The following COPE variants were observed in gnomAD, a reference collection of about 807,000 sequenced individuals.
COPE encodes coatomer subunit epsilon.
A neutral mutation model predicts 42.1 loss-of-function variants in COPE; 19 were observed. That is an observed-to-expected ratio of 0.45 (90% CI 0.31 to 0.66). The LOEUF (loss-of-function observed/expected upper bound fraction) is 0.66. Among genes scored for constraint, COPE ranks in the 30% least tolerant of loss-of-function variants. COPE has a pLI of 0.05. For synonymous variants in COPE, 195 were observed against 181.3 expected, an observed-to-expected ratio of 1.08 and a Z score of -0.60; for missense variants, 402 against 416.1, an observed-to-expected ratio of 0.97 and a Z score of 0.30.
Position 18,907,106 on chromosome 19 carries a change from G to T in COPE, c.297C>A (p.Ser99Arg), listed in dbSNP as rs759584150. The change falls in exon 4 of 10, where the codon AGC (serine) becomes AGA (arginine). Residue 99 changes from serine to arginine, a missense_variant. Transcript: ENST00000262812. ...DYLAHESRRDSIVAELDREMS... is the reference protein window; with the variant it reads ...DYLAHESRRDRIVAELDREMS... ...TCTCTCGGTCCAGCTCGGCCACGAT[G>T]CTGTCCCTGCAAGACAGAGATGCTC... The T allele has an allele frequency of 2.5e-6, 4 of 1,611,620 alleles. No homozygotes were observed.
At position 18,907,209 on chromosome 19, in the gene COPE, G is replaced by A; in HGVS notation, c.291-97C>T. On this transcript the variant is annotated intron_variant, in intron 3 of 9. Transcript: ENST00000262812. Reference sequence around the variant, plus strand: ...GGAAGCAGACAGGTCCAGAGAGGGTGAGCCAGGCCCTGGGGGTGCAGAGCA... The same window carrying A: ...GGAAGCAGACAGGTCCAGAGAGGGTAAGCCAGGCCCTGGGGGTGCAGAGCA... 4 of 1,372,128 alleles carry A rather than the reference G, an allele frequency of 2.9e-6. No individual in the cohort carries two copies. In the South Asian group the frequency reaches 4.1e-5, roughly 14 times the overall value. 85.0% of individuals were successfully genotyped at this position (1,372,128 alleles called of 1,614,324 possible).
At position 18,919,108 on chromosome 19, in the gene COPE, C is replaced by A; in HGVS notation, c.126+115G>T. 4 of 1,152,242 alleles carry A rather than the reference C, an allele frequency of 3.5e-6. No individual in the cohort carries two copies. The South Asian group carries it at 5.7e-5, about 16-fold the overall frequency. The allele number at this position is 1,152,242 out of a possible 1,614,324, so 71.4% of individuals were successfully genotyped here. ...CTCACTGAACTGTGGAAGAGGTGGC[C>A]CAAAAAACGCGAGAAGAAAAGAGAA... On this transcript the variant is annotated intron_variant, in intron 1 of 9. Coordinates refer to ENST00000262812, the MANE Select transcript of COPE (RefSeq NM_007263.4).
intron 6 of COPE, among the ~76,000 whole-genome samples, chr19:18,904,031 T>C (rs2056734666): frequency 6.6e-6 from 1 of 152,202 alleles, no homozygotes; most frequent in Non-Finnish European, 1.5e-5. Flanking sequence ...ACTGGCGCGA[T>C]CTTGGCTCAC....
rs372945420 is a variant in COPE at position 18,911,104 on chromosome 19, T to C, written c.190-33A>G. 7.0e-5 allele frequency: 110 copies of C among 1,582,702 alleles called. No homozygotes were observed. The African/African-American group carries it at 1.4e-3, about 20-fold the overall frequency. ...AGGGACGAGGCGTCAGCTGCACCCG[T>C]CCACCCCAGAGGATTTCCATGTCTT... is the stretch of plus-strand genomic sequence containing the variant. On this transcript the variant is annotated intron_variant, in intron 2 of 9. Transcript: ENST00000262812.
intron 6 of COPE, 70 bp downstream of exon 6, chr19:18,904,701 T>C: frequency 7.3e-7 from 1 of 1,372,766 alleles, no homozygotes; most frequent in South Asian, 1.3e-5. Flanking sequence ...TACGCACAGG[T>C]GGGGGTGCCC....
chr19:18,919,266 A>C lies in COPE; in HGVS notation c.83T>G (p.Ile28Ser). Residue 28 changes from isoleucine to serine, a missense_variant, in exon 1 of 10, where the codon ATC (isoleucine) becomes AGC (serine). Coordinates refer to ENST00000262812, the MANE Select transcript of COPE (RefSeq NM_007263.4). ...ELFDVKNAFYIGSYQQCINEA... is the reference protein window; with the variant it reads ...ELFDVKNAFYSGSYQQCINEA... The stretch of plus-strand genomic sequence containing the variant: ...GTTTATGCACTGCTGGTAGCTGCCG[A>C]TGTAGAAGGCGTTCTTTACGTCGAA... 6.2e-7 allele frequency: 1 copy of C among 1,613,908 alleles called. No individual in the cohort carries two copies. The highest frequency in any genetic ancestry group is 8.5e-7 in the Non-Finnish European group (1 of 1,179,996).
At chr19:18,905,100 G>C (rs923863310) in intron 5 of COPE, among the ~76,000 whole-genome samples, 5 of 152,170 alleles carry the variant, frequency 3.3e-5, no homozygotes, top group African/African-American at 1.2e-4. Flanking sequence ...TAGAGCTCAG[G>C]AGAGACTCAC....
chr19:18,905,011 C>A (rs1304483031), intron 5 of COPE, among the ~76,000 whole-genome samples, 159 bp from the exon 6 acceptor site: 1 of 152,230 alleles, frequency 6.6e-6, no homozygotes, highest in Non-Finnish European at 1.5e-5. Flanking sequence ...CCGAGCCACC[C>A]TGCCCGTCTG....
In COPE at chr19:18,919,248, C is replaced by A; in HGVS notation, c.101G>T (p.Cys34Phe). The change falls in exon 1 of 10, where the codon TGC becomes TTC. Residue 34 changes from cysteine (C) to phenylalanine (F), a missense_variant. Coordinates refer to ENST00000262812, the MANE Select transcript of COPE (RefSeq NM_007263.4). ...NAFYIGSYQQCINEAQRVKLS... is the reference protein window; with the variant it reads ...NAFYIGSYQQFINEAQRVKLS... The stretch of plus-strand genomic sequence containing the variant: ...CTTCACCCGCTGCGCCTCGTTTATG[C>A]ACTGCTGGTAGCTGCCGATGTAGAA... 6.2e-7 allele frequency: 1 copy of A among 1,613,674 alleles called. No individual in the cohort carries two copies. The highest frequency in any genetic ancestry group is 8.5e-7 in the Non-Finnish European group (1 of 1,179,936).
chr19:18,909,446 G>A (rs557825747), intron 3 of COPE, among the ~76,000 whole-genome samples: 1 of 152,176 alleles, frequency 6.6e-6, no homozygotes, highest in Admixed American at 6.5e-5. Context: ...CTGGCCACTC[G>A]TGGTGCTCCT....
chr19:18,918,720 T>C (rs1446700842), intron 1 of COPE, among the ~76,000 whole-genome samples: 1 of 151,870 alleles, frequency 6.6e-6, no homozygotes, highest in Non-Finnish European at 1.5e-5. Context: ...TTTGAGCCAC[T>C]GCGCTGGGAA....
chr19:18,905,897 TG>T, intron 4 of COPE: 1 of 535,136 alleles, frequency 1.9e-6, no homozygotes, highest in Non-Finnish European at 3.3e-6. Context: ...CTCCATGGGC[TG>T]TGCTTCCAGA....
In COPE at chr19:18,908,654, C is replaced by T. The variant is rs551435925; in HGVS notation, c.291-1542G>A. ...GCCTCAGCCTCCCGAGTAGCTGGGA[C>T]TACAGGCACCCGCCACCATGCCCGG... On this transcript the variant is annotated intron_variant, in intron 3 of 9. Transcript: ENST00000262812. 1.5e-4 allele frequency among the ~76,000 whole-genome samples: 22 copies of T among 150,976 alleles called. No homozygotes were observed. The South Asian group carries it at 4.7e-3, about 32-fold the overall frequency.
chr19:18,903,402 C>T lies in COPE; in HGVS notation c.601G>A (p.Ala201Thr). 1 of 1,611,468 alleles carries T rather than the reference C, an allele frequency of 6.2e-7. No individual in the cohort carries two copies. Among genetic ancestry groups the T allele is most frequent in the Non-Finnish European group, 8.5e-7 (1 of 1,178,706 alleles). ...GCCATCTCCTGGAAGATGTAGTAGG[C>T]ATCCTGCAGCTTCTCACCACCCTGC... ...LATGGEKLQDAYYIFQEMADK... is the reference protein window; with the variant it reads ...LATGGEKLQDTYYIFQEMADK... Residue 201 changes from alanine to threonine, a missense_variant, in exon 7 of 10, where the codon GCC becomes ACC. Transcript: ENST00000262812.
chr19:18,912,637 G>C (rs1814917605), intron 2 of COPE, among the ~76,000 whole-genome samples: 3 of 151,580 alleles, frequency 2.0e-5, no homozygotes, highest in Admixed American at 2.0e-4. Flanking sequence ...CACGCCTGTA[G>C]TCCCAGCTAC....
Position 18,899,539 on chromosome 19 carries a change from ATATT to A in COPE, c.*136_*139del. The A allele has an allele frequency of 1.3e-6, 1 of 757,990 alleles. No individual in the cohort carries two copies. The highest frequency in any genetic ancestry group is 2.7e-5 in the East Asian group (1 of 37,414). The allele number at this position is 757,990 out of a possible 1,614,324, so 47.0% of individuals were successfully genotyped here. A position where few individuals can be genotyped will look rare whatever the true frequency, so the allele number is the denominator to read the frequency against. ...TCAGGTGGAACACCCTGGAGTTGAG[ATATT>A]TATTAACAGATGGGGGTGCTGGGGG... On this transcript the variant is annotated 3_prime_UTR_variant, in exon 10 of 10. Transcript: ENST00000262812.
At chr19:18,918,172 C>T (rs1292124507) in intron 1 of COPE, among the ~76,000 whole-genome samples, 6 of 121,184 alleles carry the variant, frequency 5.0e-5, no homozygotes, top group African/African-American at 6.6e-5. Flanking sequence ...CTGGCAACAG[C>T]GCGAGTCTCC....
chr19:18,901,321 C>T (rs552953296), intron 7 of COPE, among the ~76,000 whole-genome samples: 2 of 152,374 alleles, frequency 1.3e-5, no homozygotes, highest in South Asian at 4.1e-4. Context: ...CGGCCATGAA[C>T]ACAACATGCA....
intron 3 of COPE, among the ~76,000 whole-genome samples, chr19:18,908,752 C>T (rs2145068431): frequency 6.6e-6 from 1 of 151,928 alleles, no homozygotes; most frequent in South Asian, 2.1e-4. Flanking sequence ...CTCCTGACCT[C>T]GTGATCCGCC....
Sources: allele counts gnomAD v4.1 joint callset (sites outside exome capture counted in the v4.1 genomes callset), GRCh38; gene constraint gnomAD v4.1.1; transcripts MANE v1.5; gene names NCBI Gene and HGNC (gene_info 2026-07-23, HGNC 2026-07-21).